The following ANK2 variants were observed in gnomAD, a reference collection of about 807,000 sequenced individuals.
The protein encoded by ANK2 is ankyrin-2.
In ANK2, 83 loss-of-function variants were observed where a neutral mutation model predicts 360.5. The observed-to-expected ratio is 0.23, with a 90% CI of 0.19 to 0.28. The LOEUF is 0.28. Among genes scored for constraint, ANK2 ranks in the 10% least tolerant of loss-of-function variants. The probability of loss-of-function intolerance (pLI) is 1.00; values close to 1 mark genes in which losing one functional copy is unlikely to be tolerated. For synonymous variants in ANK2, 1,740 were observed against 1,759.5 expected, an observed-to-expected ratio of 0.99 and a Z score of 0.28; for missense variants, 4,201 against 4,795.7, an observed-to-expected ratio of 0.88 and a Z score of 3.66.
chr4:113,274,397 C>G (rs1209809323), intron 14 of ANK2, 55 bp from the exon 15 acceptor site: 7 of 1,554,880 alleles, frequency 4.5e-6, no homozygotes, highest in Non-Finnish European at 6.2e-6. Flanking sequence ...TGAAACATAT[C>G]ACCAGTGAAG....
At chr4:113,067,412 T>C (rs144002354) in intron 1 of ANK2, among the ~76,000 whole-genome samples, 30 of 152,122 alleles carry the variant, frequency 2.0e-4, no homozygotes, top group African/African-American at 6.7e-4. Flanking sequence ...ACCTAGCTAA[T>C]GGTAAAGGAG....
intron 2 of ANK2, among the ~76,000 whole-genome samples, chr4:113,001,680 T>A (rs1367211265): frequency 2.6e-5 from 4 of 152,162 alleles, no homozygotes; most frequent in Non-Finnish European, 5.9e-5. Context: ...ACAGTTCTGG[T>A]CATTCCTCAG....
At chr4:112,923,980 A>G (rs1439460951) in intron 2 of ANK2, among the ~76,000 whole-genome samples, 1 of 152,226 alleles carries the variant, frequency 6.6e-6, no homozygotes, top group Non-Finnish European at 1.5e-5. Flanking sequence ...AAAATGAAGA[A>G]TGATATATAA....
intron 1 of ANK2, among the ~76,000 whole-genome samples, chr4:112,903,280 T>A (rs181558995): frequency 2.0e-5 from 3 of 152,328 alleles, no homozygotes; most frequent in Non-Finnish European, 4.4e-5. Context: ...TCTTGCCATA[T>A]TTTCCTATGC....
At chr4:113,117,155 T>C (rs2094885718) in intron 1 of ANK2, 4 of 384,238 alleles carry the variant, frequency 1.0e-5, no homozygotes, top group African/African-American at 6.3e-5. Context: ...GAGTGGATTA[T>C]CTTGTGAGTG....
At chr4:113,320,380 G>A (rs547241711) in intron 26 of ANK2, among the ~76,000 whole-genome samples, 20 of 152,254 alleles carry the variant, frequency 1.3e-4, no homozygotes, top group African/African-American at 3.4e-4. Context: ...CTGGCCAGGC[G>A]CAGTGGCTCA....
chr4:112,983,446 A>T (rs1379190734), intron 2 of ANK2, among the ~76,000 whole-genome samples: 1 of 151,362 alleles, frequency 6.6e-6, no homozygotes, highest in African/African-American at 2.4e-5. Flanking sequence ...GGAGGCCGAG[A>T]TGGGCAGATC....
intron 2 of ANK2, among the ~76,000 whole-genome samples, chr4:112,926,700 C>G (rs972700720): frequency 3.3e-5 from 5 of 152,178 alleles, no homozygotes; most frequent in African/African-American, 1.2e-4. Flanking sequence ...TGCTAATACA[C>G]TTTGTCAAGC....
intron 1 of ANK2, among the ~76,000 whole-genome samples, chr4:113,164,147 C>A (rs2097666837): frequency 6.6e-6 from 1 of 152,104 alleles, no homozygotes; most frequent in Non-Finnish European, 1.5e-5. Context: ...CACCTGTAAT[C>A]CCAGCACTTT....
At chr4:112,949,933 T>A (rs1182220399) in intron 2 of ANK2, among the ~76,000 whole-genome samples, 1 of 152,100 alleles carries the variant, frequency 6.6e-6, no homozygotes, top group Non-Finnish European at 1.5e-5. Flanking sequence ...AATATAAATA[T>A]GAGAAAAATG....
chr4:112,779,153 A>G, the ANK2 span, among the ~76,000 whole-genome samples: 2 of 152,166 alleles, frequency 1.3e-5, no homozygotes, highest in South Asian at 4.1e-4. Flanking sequence ...AAGTCCTGGT[A>G]TATTTTTTAA....
chr4:112,862,279 C>A (rs1220300714), intron 1 of ANK2, among the ~76,000 whole-genome samples: 1 of 152,178 alleles, frequency 6.6e-6, no homozygotes, highest in African/African-American at 2.4e-5. Context: ...GATACAATAT[C>A]TTTCCTTAAA....
At chr4:112,922,099 C>G (rs2091675740) in intron 2 of ANK2, among the ~76,000 whole-genome samples, 1 of 152,206 alleles carries the variant, frequency 6.6e-6, no homozygotes, top group Non-Finnish European at 1.5e-5. Context: ...TCTAACTCGT[C>G]TTAGGTGTGC....
chr4:112,728,471 G>T, the ANK2 span, among the ~76,000 whole-genome samples: 1 of 151,808 alleles, frequency 6.6e-6, no homozygotes, highest in African/African-American at 2.4e-5. Context: ...CAAATTTGAG[G>T]CTGGCACAGT....
chr4:113,228,336 C>T (rs538496638), intron 4 of ANK2, among the ~76,000 whole-genome samples: 1 of 152,158 alleles, frequency 6.6e-6, no homozygotes, highest in Non-Finnish European at 1.5e-5. Flanking sequence ...ACTCAGCTCC[C>T]TCCCACCCTT....
chr4:112,819,695 T>C (rs2056430541), intron 1 of ANK2, among the ~76,000 whole-genome samples: 2 of 152,170 alleles, frequency 1.3e-5, no homozygotes, highest in African/African-American at 4.8e-5. Flanking sequence ...TTGAACCCTG[T>C]ATGTTACAGG....
intron 2 of ANK2, among the ~76,000 whole-genome samples, chr4:112,963,191 T>C (rs1188955476): frequency 3.3e-5 from 5 of 152,190 alleles, no homozygotes; most frequent in Admixed American, 3.3e-4. Context: ...TATTTTGATA[T>C]AATTCTTTCT....
the ANK2 span, among the ~76,000 whole-genome samples, chr4:112,805,482 T>C: frequency 6.6e-6 from 1 of 151,794 alleles, no homozygotes; most frequent in Non-Finnish European, 1.5e-5. Context: ...CTGTCGTAAA[T>C]AAGCTAGACA....
chr4:112,833,887 G>T (rs558914052), intron 1 of ANK2, among the ~76,000 whole-genome samples: 1 of 152,284 alleles, frequency 6.6e-6, no homozygotes, highest in African/African-American at 2.4e-5. Flanking sequence ...CTTTATCCCT[G>T]GTGCTCCAGT....
Sources: gnomAD v4.1 joint callset for allele counts (sites outside exome capture counted in the v4.1 genomes callset) on GRCh38, gnomAD v4.1.1 for gene constraint, MANE v1.5 for transcripts, NCBI Gene and HGNC (gene_info 2026-07-23, HGNC 2026-07-21) for gene names.